PCDHGC3: variants seen among roughly 807,000 people sequenced by gnomAD.
PCDHGC3 encodes the protein protocadherin gamma-C3.
In PCDHGC3, 26 loss-of-function variants were observed where a neutral mutation model predicts 59.2. That is an observed-to-expected ratio of 0.44 (90% CI 0.32 to 0.61). PCDHGC3 has a LOEUF of 0.61. Ranked by LOEUF, PCDHGC3 falls within the 20% of genes least tolerant of loss-of-function variation. The pLI is 0.05. For synonymous variants in PCDHGC3, 487 were observed against 519.7 expected, an observed-to-expected ratio of 0.94 and a Z score of 0.86; for missense variants, 1,080 against 1,221.8, an observed-to-expected ratio of 0.88 and a Z score of 1.73.
rs369206085 is a variant in PCDHGC3 at position 141,490,515 on chromosome 5, G to A, written c.2431-4292G>A. On this transcript the variant is annotated intron_variant, in intron 1 of 3. Transcript: ENST00000308177. The surrounding 1 kb of genome is among the most constrained non-coding windows in gnomAD (Gnocchi z 5.4). ...CATCCCACTATATCATCGAGCTGCT[G>A]GCCAGCGATGCTGGTTCACCTTCCC... The A allele has an allele frequency of 2.3e-5, 37 of 1,613,840 alleles. No individual in the cohort carries two copies. In the Middle Eastern group the frequency reaches 1.2e-3, roughly 50 times the overall value.
rs1452602466 is a variant in PCDHGC3 at position 141,481,941 on chromosome 5, C to A, written c.2430+3395C>A. Among the ~76,000 whole-genome samples, 4 of 146,990 alleles carry A rather than the reference C, an allele frequency of 2.7e-5. No individual in the cohort carries two copies. The Admixed American group carries it at 2.7e-4, about 10-fold the overall frequency. On this transcript the variant is annotated intron_variant, in intron 1 of 3. Coordinates refer to ENST00000308177, the MANE Select transcript of PCDHGC3 (RefSeq NM_002588.4). ...AAAAAAAAAAAAAAAAAAAATCAGC[C>A]AGATGTGGTGGCAGGTGCCTGTAGT...
chr5:141,504,907 A>G (rs2099841813), intron 2 of PCDHGC3, among the ~76,000 whole-genome samples: 1 of 152,100 alleles, frequency 6.6e-6, no homozygotes, highest in African/African-American at 2.4e-5. Context: ...TCACTATGAC[A>G]GGAAGCCAGG....
rs1236813956 is a variant in PCDHGC3, at chr5:141,480,634, TTTCAAAC to T, written c.2430+2091_2430+2097del. On this transcript the variant is annotated intron_variant, in intron 1 of 3. Transcript: ENST00000308177. The stretch of plus-strand genomic sequence containing the variant: ...ACTGGCATTTTCCCTAGAACAATGT[TTTCAAAC>T]TTGGTTGCACATTAAAATCACCTAG... Among the ~76,000 whole-genome samples the T allele has an allele frequency of 3.9e-5, 6 of 152,332 alleles. No individual in the cohort carries two copies. In the East Asian group the frequency reaches 1.2e-3, roughly 29 times the overall value.
At chr5:141,494,514 G>T (rs1457018569) in intron 1 of PCDHGC3, among the ~76,000 whole-genome samples, 2 of 152,160 alleles carry the variant, frequency 1.3e-5, no homozygotes, top group South Asian at 2.1e-4. Context: ...TTTTGGCTCA[G>T]GAGTTCTGAC....
chr5:141,499,268 G>C (rs564234341), intron 2 of PCDHGC3, among the ~76,000 whole-genome samples: 1 of 152,224 alleles, frequency 6.6e-6, no homozygotes, highest in South Asian at 2.1e-4. Flanking sequence ...TTGGTCCCTA[G>C]ACTGTTCTCT....
Position 141,491,883 on chromosome 5 carries a change from G to T in PCDHGC3, c.2431-2924G>T. On this transcript the variant is annotated intron_variant, in intron 1 of 3. Transcript: ENST00000308177. The surrounding 1 kb of genome is among the most constrained non-coding windows in gnomAD (Gnocchi z 6.9). The stretch of plus-strand genomic sequence containing the variant: ...AAACCAGAGTGGCCGATTAAGGGAT[G>T]GGGCTCCGAGCACCGGGGGTGGTGG... 1 of 1,446,756 alleles carries T rather than the reference G, an allele frequency of 6.9e-7. No individual in the cohort carries two copies. Among genetic ancestry groups the T allele is most frequent in the South Asian group, 1.5e-5 (1 of 67,644 alleles). 89.6% of individuals were successfully genotyped at this position (1,446,756 alleles called of 1,614,324 possible). A position where few individuals can be genotyped will look rare whatever the true frequency, so the allele number is the denominator to read the frequency against.
rs922405350 is a variant in PCDHGC3, at chr5:141,512,227, T to C, written c.*1054T>C. 5 of 152,764 alleles carry C rather than the reference T, an allele frequency of 3.3e-5. No homozygotes were observed. The highest frequency in any genetic ancestry group is 1.2e-4 in the African/African-American group (5 of 41,552). 9.5% of individuals were successfully genotyped at this position (152,764 alleles called of 1,614,324 possible). On this transcript the variant is annotated 3_prime_UTR_variant, in exon 4 of 4. Transcript: ENST00000308177. ...AAGCAGGTTTAGGACCAGGTCCCCTTGAGAGGTCAGAGGGGCCTCTGTGGG... is the reference window on the plus strand; with the variant it reads ...AAGCAGGTTTAGGACCAGGTCCCCTCGAGAGGTCAGAGGGGCCTCTGTGGG...
intron 1 of PCDHGC3, 101 bp downstream of exon 1, chr5:141,478,647 T>G (rs2099469515): frequency 6.4e-7 from 1 of 1,552,152 alleles, no homozygotes; most frequent in Non-Finnish European, 8.7e-7. Flanking sequence ...GAAGATGTTT[T>G]CCTGGTGATG....
In PCDHGC3 at chr5:141,490,347, G is replaced by T; in HGVS notation, c.2431-4460G>T. On this transcript the variant is annotated intron_variant, in intron 1 of 3. Coordinates refer to ENST00000308177, the MANE Select transcript of PCDHGC3 (RefSeq NM_002588.4). This position sits in a 1 kb window ranked among gnomAD's most constrained non-coding sequence, Gnocchi z 5.4. ...AGAGCACACCAGTGGGCACAGTAGT[G>T]GGGTTGTTTAATGTGCGAGACCGGG... 1 of 1,614,180 alleles carries T rather than the reference G, an allele frequency of 6.2e-7. No homozygotes were observed.
In PCDHGC3 at chr5:141,489,610, C is replaced by A; in HGVS notation, c.2431-5197C>A. 6.2e-7 allele frequency: 1 copy of A among 1,614,090 alleles called. No individual in the cohort carries two copies. Among genetic ancestry groups the A allele is most frequent in the Non-Finnish European group, 8.5e-7 (1 of 1,179,990 alleles). ...GCTAATCCGTGTAGAGGTAGAGATCCTGGATCTCAATGACAACTCTCCTAG... is the reference window on the plus strand; with the variant it reads ...GCTAATCCGTGTAGAGGTAGAGATCATGGATCTCAATGACAACTCTCCTAG... On this transcript the variant is annotated intron_variant, in intron 1 of 3. Transcript: ENST00000308177. The surrounding 1 kb of genome is among the most constrained non-coding windows in gnomAD (Gnocchi z 4.5).
chr5:141,495,547 C>G (rs2099762038), intron 2 of PCDHGC3, among the ~76,000 whole-genome samples: 1 of 152,228 alleles, frequency 6.6e-6, no homozygotes, highest in South Asian at 2.1e-4. Flanking sequence ...CAGTCTCTAT[C>G]TCGCTTTGCA....
intron 2 of PCDHGC3, among the ~76,000 whole-genome samples, chr5:141,500,184 T>TTTTTTTTA (rs1554186429): frequency 7.8e-4 from 106 of 135,966 alleles, no homozygotes; most frequent in African/African-American, 2.4e-3. Context: ...TCATTTTTAT[T>TTTTTTTTA]TTTATTTATT....
At position 141,481,036 on chromosome 5, in the gene PCDHGC3, C is replaced by T. The variant is rs1040377549; in HGVS notation, c.2430+2490C>T. Among the ~76,000 whole-genome samples, 19 of 151,964 alleles carry T rather than the reference C, an allele frequency of 1.3e-4. 1 individual carries two copies. The highest frequency in any genetic ancestry group is 3.4e-4 in the African/African-American group (14 of 41,456). ...TCACACCACTGCACTCCAGCCTGGG[C>T]GACAGAGCGAGACTCCACCTCAAAA... is the stretch of plus-strand genomic sequence containing the variant. On this transcript the variant is annotated intron_variant, in intron 1 of 3. Transcript: ENST00000308177.
At chr5:141,509,169 T>C (rs1321257504) in intron 3 of PCDHGC3, among the ~76,000 whole-genome samples, 2 of 152,174 alleles carry the variant, frequency 1.3e-5, no homozygotes, top group African/African-American at 4.8e-5. Context: ...TGTGCCCTCC[T>C]CCTCTTATGC....
chr5:141,494,778 C>CA, intron 1 of PCDHGC3, 29 bp from the exon 2 acceptor site: 1 of 1,614,086 alleles, frequency 6.2e-7, no homozygotes, highest in Non-Finnish European at 8.5e-7. Context: ...CACGGGTACT[C>CA]AGCCCCTTTC....
intron 2 of PCDHGC3, among the ~76,000 whole-genome samples, chr5:141,498,710 T>C (rs2099785302): frequency 1.3e-5 from 2 of 152,108 alleles, no homozygotes. Flanking sequence ...GGTGGGTGGA[T>C]CACCTGAGGT....
intron 3 of PCDHGC3, 73 bp from the exon 4 acceptor site, chr5:141,510,874 G>C: frequency 6.2e-7 from 1 of 1,610,126 alleles, no homozygotes; most frequent in Non-Finnish European, 8.5e-7. Context: ...TTCATTAACT[G>C]CTGGGGATAT....
rs766092387 is a variant in PCDHGC3 at position 141,491,171 on chromosome 5, T to C, written c.2431-3636T>C. 7.4e-6 allele frequency: 12 copies of C among 1,613,968 alleles called. No individual in the cohort carries two copies. The highest frequency in any genetic ancestry group is 1.3e-5 in the African/African-American group (1 of 74,904). On this transcript the variant is annotated intron_variant, in intron 1 of 3. Coordinates refer to ENST00000308177, the MANE Select transcript of PCDHGC3 (RefSeq NM_002588.4). The surrounding 1 kb of genome is among the most constrained non-coding windows in gnomAD (Gnocchi z 6.9). The stretch of plus-strand genomic sequence containing the variant: ...GAGGATGACTCTGACACCCAGCAGG[T>C]GGTGGTCCTGGTGAGGGACAATGGT...
intron 1 of PCDHGC3, chr5:141,478,874 A>G: frequency 1.6e-6 from 2 of 1,276,696 alleles, no homozygotes; most frequent in Non-Finnish European, 2.1e-6. Flanking sequence ...ATCAGAGTTT[A>G]GCTTGGTATC....
Sources: gnomAD v4.1 joint callset for allele counts (sites outside exome capture counted in the v4.1 genomes callset) on GRCh38, gnomAD v4.1.1 for gene constraint, Gnocchi (gnomAD v3.1) non-coding constraint, MANE v1.5 for transcripts, NCBI Gene and HGNC (gene_info 2026-07-23, HGNC 2026-07-21) for gene names.